JHY: variants seen among roughly 807,000 people sequenced by gnomAD.
The protein encoded by JHY is jhy protein homolog.
Under a neutral mutation model 78.0 loss-of-function variants are expected in JHY, and 69 were observed. The observed-to-expected ratio is 0.88, with a 90% CI of 0.73 to 1.08. The LOEUF (loss-of-function observed/expected upper bound fraction) is 1.08. Among genes scored for constraint, JHY ranks in the 50% least tolerant of loss-of-function variants. The pLI, the probability that JHY is intolerant of heterozygous loss-of-function variation, is 0.00. For synonymous variants in JHY, 368 were observed against 342.6 expected, an observed-to-expected ratio of 1.07 and a Z score of -0.82; for missense variants, 944 against 927.8, an observed-to-expected ratio of 1.02 and a Z score of -0.23.
intron 3 of JHY, among the ~76,000 whole-genome samples, chr11:122,909,452 T>C (rs1863067433): frequency 6.6e-6 from 1 of 152,168 alleles, no homozygotes. Context: ...TCCTCATCTT[T>C]AAAATGAGGA....
rs574024061 is a variant in JHY at position 122,889,967 on chromosome 11, G to A, written c.344+3774G>A. ...TTACCACATTGCCCAGGCTGTCCTT[G>A]AACTCCTGAGCTCAGGAAATCTGTG... On this transcript the variant is annotated intron_variant, in intron 2 of 8. Coordinates refer to ENST00000227349, the MANE Select transcript of JHY (RefSeq NM_024806.4). 1.8e-4 allele frequency among the ~76,000 whole-genome samples: 27 copies of A among 151,942 alleles called. 1 individual carries two copies. Among genetic ancestry groups the A allele is most frequent in the Non-Finnish European group, 2.9e-4 (20 of 68,002 alleles).
chr11:122,930,217 A>T (rs945528596), intron 4 of JHY, among the ~76,000 whole-genome samples: 4 of 152,094 alleles, frequency 2.6e-5, no homozygotes, highest in African/African-American at 9.7e-5. Context: ...AGTAGCTGGG[A>T]TTACAGGTGC....
At chr11:122,922,307 A>C (rs1187071212) in intron 3 of JHY, among the ~76,000 whole-genome samples, 1 of 152,204 alleles carries the variant, frequency 6.6e-6, no homozygotes, top group East Asian at 1.9e-4. Context: ...TAATTGTGAT[A>C]GTTACTTTAG....
At position 122,959,360 on chromosome 11, in the gene JHY, A is replaced by G. The variant is rs1864259974; in HGVS notation, c.2252A>G (p.Glu751Gly). The G allele has an allele frequency of 1.2e-6, 2 of 1,614,180 alleles. No homozygotes were observed. Among genetic ancestry groups the G allele is most frequent in the Non-Finnish European group, 1.7e-6 (2 of 1,180,016 alleles). ...TYAGKEESLP[E>G]ISLLEILQNR... ...GCTGGGAAAGAAGAAAGTTTACCTG[A>G]AATCTCACTGCTGGAAATACTGCAG... The change falls in exon 9 of 9, where the codon GAA becomes GGA. Residue 751 changes from glutamate to glycine, a missense_variant. Transcript: ENST00000227349.
At chr11:122,908,200 A>G (rs1863035753) in intron 3 of JHY, among the ~76,000 whole-genome samples, 1 of 152,182 alleles carries the variant, frequency 6.6e-6, no homozygotes, top group Non-Finnish European at 1.5e-5. Context: ...TAAACATTAG[A>G]GTGCACCAGA....
chr11:122,929,568 C>T (rs1022223309), intron 4 of JHY, among the ~76,000 whole-genome samples: 9 of 152,088 alleles, frequency 5.9e-5, no homozygotes, highest in Admixed American at 1.3e-4. Flanking sequence ...TCACGCATCC[C>T]AGGACTCAGA....
At position 122,935,944 on chromosome 11, in the gene JHY, C is replaced by T. The variant is rs183747424; in HGVS notation, c.1634+869C>T. Among the ~76,000 whole-genome samples, 229 of 152,146 alleles carry T rather than the reference C, an allele frequency of 1.5e-3. No homozygotes were observed. Among genetic ancestry groups the T allele is most frequent in the African/African-American group, 5.3e-3 (219 of 41,504 alleles). On this transcript the variant is annotated intron_variant, in intron 5 of 8. Coordinates refer to ENST00000227349, the MANE Select transcript of JHY (RefSeq NM_024806.4). The surrounding 1 kb of genome is among the most constrained non-coding windows in gnomAD (Gnocchi z 4.5). ...AATGACACTGGTAGAAGAAAAAGTA[C>T]ATCTAAGGAGTATGAGTTCTACTGT...
chr11:122,934,590 G>C lies in JHY; in HGVS notation c.1149G>C (p.Glu383Asp), dbSNP rs750940156. Residue 383 changes from glutamate to aspartate, a missense_variant, in exon 5 of 9, where the codon GAG becomes GAC. Coordinates refer to ENST00000227349, the MANE Select transcript of JHY (RefSeq NM_024806.4). ...GCCTGAAGTCTTCCACAACGGAAGA[G>C]GTGACTGCCAGTCAGGGGAACCAGA... ...QNGLKSSTTE[E>D]VTASQGNQNN... 34 of 1,614,114 alleles carry C rather than the reference G, an allele frequency of 2.1e-5. No homozygotes were observed. The highest frequency in any genetic ancestry group is 2.7e-5 in the Non-Finnish European group (32 of 1,180,026).
intron 1 of JHY, among the ~76,000 whole-genome samples, chr11:122,885,228 T>C (rs1862470831): frequency 6.6e-6 from 1 of 152,210 alleles, no homozygotes; most frequent in African/African-American, 2.4e-5. Context: ...CCAAATGATG[T>C]TGCCAGCCCA....
At chr11:122,891,870 T>C (rs1242583094) in intron 2 of JHY, among the ~76,000 whole-genome samples, 4 of 152,166 alleles carry the variant, frequency 2.6e-5, no homozygotes, top group Non-Finnish European at 4.4e-5. Flanking sequence ...AGTATTCAGA[T>C]AGGTAATCAA....
At chr11:122,929,039 G>A (rs1419324866) in intron 4 of JHY, among the ~76,000 whole-genome samples, 1 of 151,854 alleles carries the variant, frequency 6.6e-6, no homozygotes, top group Non-Finnish European at 1.5e-5. Flanking sequence ...CTGCCTACCA[G>A]GTTCAAGCCT....
chr11:122,891,560 C>G (rs530043893), intron 2 of JHY, among the ~76,000 whole-genome samples: 43 of 69,962 alleles, frequency 6.1e-4, no homozygotes, highest in African/African-American at 2.6e-3. Context: ...ACTTCTGAAA[C>G]CTTGTATATT....
At chr11:122,938,657 G>A (rs1252734146) in intron 5 of JHY, among the ~76,000 whole-genome samples, 2 of 152,122 alleles carry the variant, frequency 1.3e-5, no homozygotes, top group African/African-American at 4.8e-5. Flanking sequence ...CTTAGGGCTT[G>A]TGTCAGATGT....
intron 1 of JHY, among the ~76,000 whole-genome samples, chr11:122,884,974 ATT>A (rs11314367): frequency 2.2e-3 from 296 of 131,746 alleles, no homozygotes; most frequent in African/African-American, 6.5e-3. Flanking sequence ...AATTTTTTGT[ATT>A]TTTTTTTTTT....
chr11:122,896,758 A>T (rs1428260996), intron 2 of JHY, among the ~76,000 whole-genome samples: 1 of 152,210 alleles, frequency 6.6e-6, no homozygotes, highest in Non-Finnish European at 1.5e-5. Flanking sequence ...AAGCAAGGCT[A>T]GTGCTGGAGC....
At chr11:122,926,199 A>AG (rs1181828804) in intron 4 of JHY, among the ~76,000 whole-genome samples, 4 of 90,480 alleles carry the variant, frequency 4.4e-5, no homozygotes, top group African/African-American at 1.2e-4. Context: ...AAAAAAAAAA[A>AG]AAAAAAAGAA....
At position 122,898,967 on chromosome 11, in the gene JHY, A is replaced by G. The variant is rs1012420759; in HGVS notation, c.345-4958A>G. Among the ~76,000 whole-genome samples the G allele has an allele frequency of 7.2e-6, 1 of 138,248 alleles. No homozygotes were observed. The highest frequency in any genetic ancestry group is 7.3e-5 in the Admixed American group (1 of 13,670). 90.7% of individuals were successfully genotyped at this position (138,248 alleles called of 152,430 possible). ...TCTCCTTTTTACATGCTGTTCCCTC[A>G]GCCTGGCATAGACTTCCTGCCCTTC... On this transcript the variant is annotated intron_variant, in intron 2 of 8. Transcript: ENST00000227349. This position sits in a 1 kb window ranked among gnomAD's most constrained non-coding sequence, Gnocchi z 4.4.
At chr11:122,951,379 GTAAT>G (rs1227439721) in intron 6 of JHY, among the ~76,000 whole-genome samples, 1 of 152,202 alleles carries the variant, frequency 6.6e-6, no homozygotes, top group African/African-American at 2.4e-5. Flanking sequence ...CTGAGCTGAA[GTAAT>G]TAACTCATGT....
At position 122,959,994 on chromosome 11, in the gene JHY, G is replaced by A. The variant is rs1369557318; in HGVS notation, c.*549G>A. 6.6e-6 allele frequency among the ~76,000 whole-genome samples: 1 copy of A among 152,194 alleles called. No individual in the cohort carries two copies. Among genetic ancestry groups the A allele is most frequent in the African/African-American group, 2.4e-5 (1 of 41,440 alleles). On this transcript the variant is annotated 3_prime_UTR_variant, in exon 9 of 9. Transcript: ENST00000227349. ...CACGCCTGTAATCCCAGCACTTTGG[G>A]AAGCTGAGGCAGTTGAATAGCTTGA...
Sources: gnomAD v4.1 joint callset for allele counts (sites outside exome capture counted in the v4.1 genomes callset) on GRCh38, gnomAD v4.1.1 for gene constraint, Gnocchi (gnomAD v3.1) non-coding constraint, MANE v1.5 for transcripts, NCBI Gene and HGNC (gene_info 2026-07-23, HGNC 2026-07-21) for gene names.